The following ZFPM2 variants were observed in gnomAD, a reference collection of about 807,000 sequenced individuals.
ZFPM2 encodes zinc finger protein, FOG family member 2, also known as zinc finger protein ZFPM2.
ZFPM2 carries 20 observed loss-of-function variants against 98.6 expected under a neutral mutation model. The ratio of observed to expected loss-of-function variants is 0.20; its 90% CI spans 0.14 to 0.29. The LOEUF is 0.29. Ranked by LOEUF, ZFPM2 falls within the 10% of genes least tolerant of loss-of-function variation. The pLI is 1.00. For synonymous variants in ZFPM2, 518 were observed against 502.7 expected (o/e 1.03, Z -0.41); for missense variants, 1,310 against 1,388.6 (o/e 0.94, Z 0.90).
chr8:105,539,476 A>G (rs1357277724), intron 3 of ZFPM2, among the ~76,000 whole-genome samples: 3 of 152,148 alleles, frequency 2.0e-5, no homozygotes, highest in Non-Finnish European at 4.4e-5. Flanking sequence ...TACACTACAC[A>G]CTTGGAGCCA....
intron 5 of ZFPM2, among the ~76,000 whole-genome samples, chr8:105,757,865 CTCA>C (rs1812640169): frequency 6.6e-6 from 1 of 152,092 alleles, no homozygotes; most frequent in Non-Finnish European, 1.5e-5. Context: ...TGGGACCTCT[CTCA>C]GTACCCACTT....
intron 5 of ZFPM2, among the ~76,000 whole-genome samples, chr8:105,773,112 T>C (rs1813018374): frequency 6.6e-6 from 1 of 152,176 alleles, no homozygotes. Context: ...TCTGGCTGAC[T>C]TCAAGGAATG....
rs535303130 is a variant in ZFPM2, at chr8:105,576,943, A to G, written c.420+15462A>G. On this transcript the variant is annotated intron_variant, in intron 4 of 7. Transcript: ENST00000407775. ...CAGCTATCTTTTATTAGTTTCCTTT[A>G]TAGTGGTATGTTATTTTTATCATCT... 2.6e-5 allele frequency among the ~76,000 whole-genome samples: 4 copies of G among 152,070 alleles called. No individual in the cohort carries two copies. The South Asian group carries it at 6.2e-4, about 24-fold the overall frequency.
chr8:105,634,277 C>A lies in ZFPM2; in HGVS notation c.452C>A (p.Thr151Asn), dbSNP rs267608264. Residue 151 changes from threonine (T) to asparagine (N), a missense_variant, in exon 5 of 8, where the codon ACT becomes AAT. Physicochemically the swap from Thr to Asn is moderately conservative, Grantham distance 65 (BLOSUM62 0). Coordinates refer to ENST00000407775, the MANE Select transcript of ZFPM2 (RefSeq NM_012082.4). ...AAGGCTCAGGTCCCAATGGTGCTGA[C>A]TGCTGGTCCCAAGTGGTTGCTGGAT... ...KTKAQVPMVLTAGPKWLLDVT... is the reference protein window; with the variant it reads ...KTKAQVPMVLNAGPKWLLDVT... 6.2e-7 allele frequency: 1 copy of A among 1,613,012 alleles called. No homozygotes were observed. The highest frequency in any genetic ancestry group is 1.1e-5 in the South Asian group (1 of 90,802).
chr8:105,380,939 T>TATATAATATAAC (rs1300694465), intron 1 of ZFPM2, among the ~76,000 whole-genome samples: 1 of 57,390 alleles, frequency 1.7e-5, no homozygotes, highest in African/African-American at 4.7e-5. Context: ...ATATATATAT[T>TATATAATATAAC]ATTATACTTT....
intron 5 of ZFPM2, among the ~76,000 whole-genome samples, chr8:105,691,214 C>T (rs1810870633): frequency 1.4e-5 from 2 of 146,450 alleles, no homozygotes; most frequent in Non-Finnish European, 3.0e-5. Context: ...GGCTCAAGCG[C>T]CCTGTTCCCA....
chr8:105,346,355 G>A (rs1320333646), intron 1 of ZFPM2, among the ~76,000 whole-genome samples: 1 of 151,064 alleles, frequency 6.6e-6, no homozygotes, highest in Non-Finnish European at 1.5e-5. Context: ...TTGCACTCCA[G>A]CCTGGGCAAT....
In ZFPM2 at chr8:105,395,724, G is replaced by A. The variant is rs558467156; in HGVS notation, c.41-23420G>A. Among the ~76,000 whole-genome samples, 40 of 152,234 alleles carry A rather than the reference G, an allele frequency of 2.6e-4. 1 individual carries two copies. In the South Asian group the frequency reaches 7.7e-3, roughly 29 times the overall value. ...GTATATCAGGCACCATGCTACATTC[G>A]TAACATAATTGGACACACGTAATTT... On this transcript the variant is annotated intron_variant, in intron 1 of 7. Transcript: ENST00000407775.
At chr8:105,488,712 C>T (rs541089441) in intron 3 of ZFPM2, among the ~76,000 whole-genome samples, 34 of 152,046 alleles carry the variant, frequency 2.2e-4, no homozygotes, top group South Asian at 8.3e-4. Flanking sequence ...TGTGGTGAGC[C>T]GAGATCGCAC....
At chr8:105,489,466 A>ATATATATATATATATATATTTTTTT (rs1554610604) in intron 3 of ZFPM2, among the ~76,000 whole-genome samples, 5 of 119,778 alleles carry the variant, frequency 4.2e-5, no homozygotes, top group African/African-American at 1.8e-4. Flanking sequence ...ATATATATAT[A>ATATATATATATATATATATTTTTTT]TTTTTTTTTT....
At chr8:105,615,029 A>T (rs1379611951) in intron 4 of ZFPM2, among the ~76,000 whole-genome samples, 3 of 152,134 alleles carry the variant, frequency 2.0e-5, no homozygotes, top group African/African-American at 7.2e-5. Context: ...GAATAGTGTG[A>T]TTTGGCCCAA....
intron 2 of ZFPM2, among the ~76,000 whole-genome samples, chr8:105,427,372 A>C (rs1026209046): frequency 6.6e-6 from 1 of 152,198 alleles, no homozygotes; most frequent in Non-Finnish European, 1.5e-5. Flanking sequence ...AACATATGAT[A>C]ATATGTACTA....
intron 5 of ZFPM2, among the ~76,000 whole-genome samples, chr8:105,757,030 A>G (rs1465646718): frequency 6.6e-6 from 1 of 152,158 alleles, no homozygotes; most frequent in Non-Finnish European, 1.5e-5. Flanking sequence ...AAGTGACAGA[A>G]TTTTTCACTA....
chr8:105,333,989 T>G (rs2129638478), intron 1 of ZFPM2, among the ~76,000 whole-genome samples: 1 of 151,860 alleles, frequency 6.6e-6, no homozygotes, highest in East Asian at 1.9e-4. Context: ...AATATTGTTT[T>G]CAGTTTTTAA....
chr8:105,522,926 C>T (rs1195825723), intron 3 of ZFPM2, among the ~76,000 whole-genome samples: 1 of 152,100 alleles, frequency 6.6e-6, no homozygotes, highest in East Asian at 1.9e-4. Context: ...GGTATACTGC[C>T]TTTCCTTGTA....
chr8:105,512,013 G>A (rs1813827991), intron 3 of ZFPM2, among the ~76,000 whole-genome samples: 1 of 152,154 alleles, frequency 6.6e-6, no homozygotes, highest in South Asian at 2.1e-4. Flanking sequence ...TGGTGTGGTG[G>A]CACATGCCTG....
At chr8:105,412,909 C>T (rs1023480929) in intron 1 of ZFPM2, among the ~76,000 whole-genome samples, 2 of 151,738 alleles carry the variant, frequency 1.3e-5, no homozygotes, top group Non-Finnish European at 2.9e-5. Context: ...CAGCTGAGAA[C>T]TCTGAGAGAG....
At chr8:105,541,232 T>C (rs1814569239) in intron 3 of ZFPM2, among the ~76,000 whole-genome samples, 2 of 152,188 alleles carry the variant, frequency 1.3e-5, no homozygotes. Flanking sequence ...TCATGCATAT[T>C]ATACTATTTA....
At chr8:105,694,659 T>TA (rs1320799964) in intron 5 of ZFPM2, among the ~76,000 whole-genome samples, 4 of 152,212 alleles carry the variant, frequency 2.6e-5, no homozygotes, top group African/African-American at 9.7e-5. Flanking sequence ...GCAAATGGTT[T>TA]AAATTACTCA....
Sources: allele counts gnomAD v4.1 joint callset (sites outside exome capture counted in the v4.1 genomes callset), GRCh38; gene constraint gnomAD v4.1.1; transcripts MANE v1.5; gene names NCBI Gene and HGNC (gene_info 2026-07-23, HGNC 2026-07-21).